Variants in NAV3 observed in about 807,000 individuals in gnomAD.
NAV3 encodes pore membrane and/or filament interacting like protein 1.
In NAV3, 87 loss-of-function variants were observed where a neutral mutation model predicts 244.7. That is an observed-to-expected ratio of 0.36 (90% CI 0.30 to 0.42). NAV3 has a LOEUF of 0.42. Ranked by LOEUF, NAV3 falls within the 20% of genes least tolerant of loss-of-function variation. The probability of loss-of-function intolerance (pLI) is 1.00; values close to 1 mark genes in which losing one functional copy is unlikely to be tolerated. For missense variants in NAV3, 2,663 were observed against 2,893.3 expected (o/e 0.92, Z 1.83); for synonymous variants, 1,126 against 1,042.2 (o/e 1.08, Z -1.55).
chr12:77,684,518 T>A (rs1026154749), intron 2 of NAV3, among the ~76,000 whole-genome samples: 5 of 151,992 alleles, frequency 3.3e-5, no homozygotes, highest in Admixed American at 1.3e-4. Flanking sequence ...AGACAGGGTC[T>A]TACTGTGTTG....
chr12:78,096,635 T>C (rs1396036222), intron 12 of NAV3, among the ~76,000 whole-genome samples: 10 of 152,006 alleles, frequency 6.6e-5, no homozygotes, highest in Non-Finnish European at 8.8e-5. Context: ...AACCATCAGA[T>C]CTTGTGAGAC....
At chr12:78,109,602 A>G (rs796900244) in intron 12 of NAV3, among the ~76,000 whole-genome samples, 3 of 152,188 alleles carry the variant, frequency 2.0e-5, no homozygotes, top group East Asian at 3.9e-4. Context: ...ATATACCACA[A>G]TCCAGAGGGT....
chr12:78,060,683 A>G (rs1213758422), intron 12 of NAV3, among the ~76,000 whole-genome samples: 1 of 152,192 alleles, frequency 6.6e-6, no homozygotes, highest in Non-Finnish European at 1.5e-5. Flanking sequence ...AGTTCCAGAA[A>G]GAACTAAGGT....
At chr12:77,798,171 C>CAAAT (rs10639617) in intron 2 of NAV3, among the ~76,000 whole-genome samples, 1 of 150,846 alleles carries the variant, frequency 6.6e-6, no homozygotes, top group Non-Finnish European at 1.5e-5. Flanking sequence ...CAAAAACAAA[C>CAAAT]AAACAAACAA....
At chr12:77,980,898 G>C (rs1869442693) in intron 5 of NAV3, among the ~76,000 whole-genome samples, 1 of 152,120 alleles carries the variant, frequency 6.6e-6, no homozygotes, top group Middle Eastern at 3.2e-3. Context: ...ATCTTACACA[G>C]GCCTCTCCCT....
At chr12:78,128,542 C>T (rs996062986) in intron 17 of NAV3, among the ~76,000 whole-genome samples, 164 bp from the exon 18 acceptor site, 1 of 152,164 alleles carries the variant, frequency 6.6e-6, no homozygotes, top group African/African-American at 2.4e-5. Context: ...GTGATTCAAA[C>T]AGATGGCGTA....
intron 11 of NAV3, chr12:78,056,269 T>C (rs1883490431): frequency 6.6e-6 from 1 of 152,232 alleles, no homozygotes; most frequent in African/African-American, 2.4e-5. Context: ...ACCCAGGATG[T>C]GCTGGACTTA....
Position 77,778,161 on chromosome 12 carries a change from C to T in NAV3, c.73-162158C>T, listed in dbSNP as rs1462063024. Among the ~76,000 whole-genome samples the T allele has an allele frequency of 3.3e-4, 42 of 128,650 alleles. 1 individual carries two copies. The highest frequency in any genetic ancestry group is 8.6e-4 in the African/African-American group (29 of 33,824). The allele number at this position is 128,650 out of a possible 152,430, so 84.4% of individuals were successfully genotyped here. On this transcript the variant is annotated intron_variant, in intron 2 of 8. Coordinates refer to the NAV3 transcript ENST00000550042. ...CTTCCCCCTCCCCTCCCCTCCCCTC[C>T]CCTCCCCTCCTCTGCCCTCTCCTCC...
At chr12:77,617,998 C>A (rs1320262814) in intron 2 of NAV3, among the ~76,000 whole-genome samples, 1 of 152,172 alleles carries the variant, frequency 6.6e-6, no homozygotes, top group Non-Finnish European at 1.5e-5. Context: ...CAGAAGCAAG[C>A]TGACCTAATG....
At chr12:78,160,011 G>A (rs1957460393) in intron 23 of NAV3, among the ~76,000 whole-genome samples, 1 of 152,056 alleles carries the variant, frequency 6.6e-6, no homozygotes, top group Non-Finnish European at 1.5e-5. Flanking sequence ...AGGATGCCTG[G>A]GACTCTGCCA....
Position 78,199,481 on chromosome 12 carries a change from A to G in NAV3, c.6665A>G (p.His2222Arg), listed in dbSNP as rs776942766. The G allele has an allele frequency of 8.1e-6, 13 of 1,607,930 alleles. No homozygotes were observed. The highest frequency in any genetic ancestry group is 9.3e-6 in the Non-Finnish European group (11 of 1,177,846). The change falls in exon 37 of 40, where the codon CAT becomes CGT. Residue 2222 changes from histidine (H) to arginine (R), a missense_variant. Around this residue, in one of 6 missense-constraint regions of NAV3, gnomAD observed 543 missense variants for 672.4 expected, o/e 0.81. Coordinates refer to ENST00000397909, the MANE Select transcript of NAV3 (RefSeq NM_001024383.2). ...KIIDWIPKTWHHLNSFLETHS... is the reference protein window; with the variant it reads ...KIIDWIPKTWRHLNSFLETHS... ...ATAGATTGGATTCCGAAGACGTGGCATCATCTCAACAGTTTTTTGGAAACA... is the reference window on the plus strand; with the variant it reads ...ATAGATTGGATTCCGAAGACGTGGCGTCATCTCAACAGTTTTTTGGAAACA...
At chr12:77,901,175 C>T (rs1271387411) in intron 1 of NAV3, among the ~76,000 whole-genome samples, 15 of 152,106 alleles carry the variant, frequency 9.9e-5, no homozygotes, top group Non-Finnish European at 2.9e-5. Flanking sequence ...TTATAGATTG[C>T]GTATTTACTC....
intron 29 of NAV3, 97 bp downstream of exon 29, chr12:78,179,779 A>G: frequency 7.5e-7 from 1 of 1,332,284 alleles, no homozygotes; most frequent in East Asian, 2.4e-5. Context: ...TCCACTTGGA[A>G]ACCCACCTTA....
chr12:77,639,733 CAGAGACAGACATT>C (rs1872315653), intron 2 of NAV3, among the ~76,000 whole-genome samples: 1 of 152,132 alleles, frequency 6.6e-6, no homozygotes, highest in Non-Finnish European at 1.5e-5. Flanking sequence ...CAGGCAATGG[CAGAGACAGACATT>C]AGGTGCCTGG....
At chr12:77,947,301 G>A (rs1297854084) in intron 3 of NAV3, 3 of 151,434 alleles carry the variant, frequency 2.0e-5, no homozygotes, top group Non-Finnish European at 4.4e-5. Flanking sequence ...TATCTGGAAA[G>A]TGAAACTATT....
At chr12:78,116,101 G>A (rs1167318764) in intron 12 of NAV3, among the ~76,000 whole-genome samples, 1 of 152,172 alleles carries the variant, frequency 6.6e-6, no homozygotes, top group Non-Finnish European at 1.5e-5. Context: ...TTATGACATG[G>A]CCAGATGTGA....
intron 7 of NAV3, among the ~76,000 whole-genome samples, chr12:78,001,375 CT>C (rs1243168589): frequency 1.3e-5 from 2 of 152,100 alleles, no homozygotes; most frequent in Admixed American, 6.5e-5. Flanking sequence ...TGGAAATATA[CT>C]TTATACATTC....
At chr12:77,726,676 T>G (rs998922675) in intron 2 of NAV3, among the ~76,000 whole-genome samples, 1 of 151,954 alleles carries the variant, frequency 6.6e-6, no homozygotes, top group East Asian at 1.9e-4. Context: ...TTATCCACTT[T>G]AGAAGCTAGG....
intron 12 of NAV3, among the ~76,000 whole-genome samples, chr12:78,095,078 C>T (rs1192848805): frequency 2.6e-3 from 349 of 134,608 alleles, no homozygotes; most frequent in African/African-American, 8.6e-3. Context: ...CACACACACA[C>T]ACACACACAC....
Sources: allele counts gnomAD v4.1 joint callset (sites outside exome capture counted in the v4.1 genomes callset), GRCh38; gene constraint gnomAD v4.1.1; regional missense constraint gnomAD v4.1.1; transcripts MANE v1.5; gene names NCBI Gene and HGNC (gene_info 2026-07-23, HGNC 2026-07-21).